Variants in RYR3 observed in about 807,000 individuals in gnomAD.
RYR3 encodes brain ryanodine receptor-calcium release channel.
Under a neutral mutation model 584.3 loss-of-function variants are expected in RYR3, and 207 were observed. That is an observed-to-expected ratio of 0.35 (90% CI 0.32 to 0.40). The LOEUF (loss-of-function observed/expected upper bound fraction) is 0.40, where lower values mean the gene tolerates loss of function less well. Ranked by LOEUF, RYR3 falls within the 10% of genes least tolerant of loss-of-function variation. The pLI is 1.00. For synonymous variants in RYR3, 2,416 were observed against 2,248.5 expected (o/e 1.07, Z -2.11); for missense variants, 5,616 against 6,089.2 (o/e 0.92, Z 2.59).
rs147940302 is a variant in RYR3 at position 33,822,952 on chromosome 15, A to G, written c.10996-44A>G. On this transcript the variant is annotated intron_variant, in intron 80 of 103. Coordinates refer to ENST00000634891, the MANE Select transcript of RYR3 (RefSeq NM_001036.6). ...GGATTAGGAGGGTCAGCTCTGTGGT[A>G]TAGTTTTCATCGCTTTTCCCCTTAC... The G allele has an allele frequency of 6.5e-5, 99 of 1,529,394 alleles. No homozygotes were observed. The East Asian group carries it at 9.2e-4, about 14-fold the overall frequency. The allele number at this position is 1,529,394 out of a possible 1,614,324, so 94.7% of individuals were successfully genotyped here. A position where few individuals can be genotyped will look rare whatever the true frequency, so the allele number is the denominator to read the frequency against.
intron 100 of RYR3, among the ~76,000 whole-genome samples, 158 bp downstream of exon 100, chr15:33,859,889 G>C (rs1567351823): frequency 1.3e-5 from 2 of 152,072 alleles, no homozygotes; most frequent in Non-Finnish European, 2.9e-5. Flanking sequence ...CTGAGGCTTT[G>C]GCTATATATA....
At chr15:33,632,847 C>G in intron 23 of RYR3, 102 bp from the exon 24 acceptor site, 1 of 979,554 alleles carries the variant, frequency 1.0e-6, no homozygotes, top group Non-Finnish European at 1.5e-6. Flanking sequence ...TGACTGTAGC[C>G]TTATTTGCGT....
At chr15:33,759,378 C>G (rs1474905143) in intron 60 of RYR3, among the ~76,000 whole-genome samples, 2 of 152,126 alleles carry the variant, frequency 1.3e-5, no homozygotes, top group African/African-American at 4.8e-5. Flanking sequence ...TCGCCCAATG[C>G]AAGGAATCTA....
At chr15:33,530,506 T>G in intron 3 of RYR3, 86 bp from the exon 4 acceptor site, 4 of 899,982 alleles carry the variant, frequency 4.4e-6, no homozygotes, top group Non-Finnish European at 7.2e-6. Context: ...TTCCTGGTAG[T>G]CTGTCTCCCA....
intron 72 of RYR3, among the ~76,000 whole-genome samples, chr15:33,811,288 G>A (rs894110388): frequency 4.1e-4 from 63 of 151,990 alleles, no homozygotes; most frequent in Non-Finnish European, 7.9e-4. Flanking sequence ...GGCGGATCAC[G>A]AGGTCAGGAG....
intron 3 of RYR3, among the ~76,000 whole-genome samples, chr15:33,504,331 C>T (rs1461412016): frequency 6.6e-6 from 1 of 152,192 alleles, no homozygotes; most frequent in Non-Finnish European, 1.5e-5. Flanking sequence ...AGACTTTGGC[C>T]AGATATTTCA....
intron 1 of RYR3, among the ~76,000 whole-genome samples, chr15:33,444,771 G>A (rs1279973377): frequency 2.6e-5 from 4 of 152,292 alleles, no homozygotes; most frequent in East Asian, 3.9e-4. Flanking sequence ...CCCTGAAAAG[G>A]AAAGGCTTGC....
chr15:33,763,445 C>T (rs998432106), intron 60 of RYR3, among the ~76,000 whole-genome samples: 23 of 151,658 alleles, frequency 1.5e-4, no homozygotes, highest in Admixed American at 1.0e-3. Context: ...CCATCAAAAA[C>T]GGGGGTGAAG....
chr15:33,796,494 C>T (rs2075632887), intron 67 of RYR3, among the ~76,000 whole-genome samples: 1 of 152,164 alleles, frequency 6.6e-6, no homozygotes, highest in African/African-American at 2.4e-5. Context: ...CCCCAGGATT[C>T]TGTTCTTATG....
At chr15:33,383,199 T>G (rs1181019228) in intron 1 of RYR3, among the ~76,000 whole-genome samples, 1 of 149,976 alleles carries the variant, frequency 6.7e-6, no homozygotes, top group Non-Finnish European at 1.5e-5. Flanking sequence ...GATGGAAAAG[T>G]GAATGATGAG....
At chr15:33,417,560 T>C (rs1261691121) in intron 1 of RYR3, among the ~76,000 whole-genome samples, 1 of 152,196 alleles carries the variant, frequency 6.6e-6, no homozygotes, top group Non-Finnish European at 1.5e-5. Context: ...TTTGCTAAAG[T>C]TATCAGGTCT....
chr15:33,347,328 T>C (rs958913776), intron 1 of RYR3, among the ~76,000 whole-genome samples: 1 of 152,234 alleles, frequency 6.6e-6, no homozygotes, highest in Non-Finnish European at 1.5e-5. Flanking sequence ...ATTTATTCAA[T>C]CATTGATTTA....
intron 11 of RYR3, 107 bp downstream of exon 11, chr15:33,563,117 T>G (rs1595606534): frequency 1.1e-6 from 1 of 904,430 alleles, no homozygotes; most frequent in Middle Eastern, 2.4e-4. Flanking sequence ...ATTTACTTCT[T>G]ACTATTCAGA....
intron 3 of RYR3, among the ~76,000 whole-genome samples, chr15:33,522,323 G>A (rs1339764164): frequency 6.6e-6 from 1 of 152,110 alleles, no homozygotes; most frequent in Admixed American, 6.5e-5. Context: ...AGATGCCCAT[G>A]AAAGATGCCA....
In RYR3 at chr15:33,796,292, G is replaced by A. The variant is rs566383027; in HGVS notation, c.9831-4478G>A. ...TGGGATTACAGGCATGCGCCACTAC[G>A]CCCGGCTAATTTTGTATTTTTAGTA... On this transcript the variant is annotated intron_variant, in intron 67 of 103. Coordinates refer to ENST00000634891, the MANE Select transcript of RYR3 (RefSeq NM_001036.6). Among the ~76,000 whole-genome samples the A allele has an allele frequency of 1.1e-4, 16 of 152,034 alleles. No individual in the cohort carries two copies. The South Asian group carries it at 3.1e-3, about 30-fold the overall frequency.
chr15:33,825,362 C>T (rs1312541344), intron 81 of RYR3, among the ~76,000 whole-genome samples: 2 of 152,076 alleles, frequency 1.3e-5, no homozygotes, highest in South Asian at 2.1e-4. Flanking sequence ...TGAGAGTCAC[C>T]GTAAGTGTTC....
intron 66 of RYR3, among the ~76,000 whole-genome samples, chr15:33,786,485 T>A (rs190052410): frequency 6.6e-6 from 1 of 152,176 alleles, no homozygotes; most frequent in South Asian, 2.1e-4. Context: ...TTGTTGTTTT[T>A]TTTTTTTCTT....
chr15:33,426,124 A>C (rs115921385), intron 1 of RYR3, among the ~76,000 whole-genome samples: 1 of 152,336 alleles, frequency 6.6e-6, no homozygotes, highest in Non-Finnish European at 1.5e-5. Flanking sequence ...AGTCAGGAGA[A>C]AAGTTACAGC....
Position 33,662,271 on chromosome 15 carries a change from T to C in RYR3, c.4741T>C (p.Cys1581Arg), listed in dbSNP as rs2152706187. Residue 1581 changes from cysteine (C) to arginine (R), a missense_variant, in exon 35 of 104, where the codon TGC (cysteine) becomes CGC (arginine). By Grantham distance (180) the Cys-to-Arg change is radical. Coordinates refer to ENST00000634891, the MANE Select transcript of RYR3 (RefSeq NM_001036.6). ...AAACAGCCGCGTGGCCTACGCCCTG[T>C]GCAGCCACGTGGACCTCTCCCAGCT... is the stretch of plus-strand genomic sequence containing the variant. ...LGNSRVAYAL[C>R]SHVDLSQLFY... 6.2e-7 allele frequency: 1 copy of C among 1,610,798 alleles called. No individual in the cohort carries two copies. The highest frequency in any genetic ancestry group is 1.7e-5 in the Admixed American group (1 of 59,548).
Sources: gnomAD v4.1 joint callset for allele counts (sites outside exome capture counted in the v4.1 genomes callset) on GRCh38, gnomAD v4.1.1 for gene constraint, MANE v1.5 for transcripts, NCBI Gene and HGNC (gene_info 2026-07-23, HGNC 2026-07-21) for gene names.